Variants in NRXN3 observed in about 807,000 individuals in gnomAD.
NRXN3 encodes the protein neurexin III.
NRXN3 carries 32 observed loss-of-function variants against 137.6 expected under a neutral mutation model. That is an observed-to-expected ratio of 0.23 (90% CI 0.18 to 0.31). The LOEUF (loss-of-function observed/expected upper bound fraction) is 0.31. Among genes scored for constraint, NRXN3 ranks in the 10% least tolerant of loss-of-function variants. The pLI, the probability that NRXN3 is intolerant of heterozygous loss-of-function variation, is 1.00. For missense variants in NRXN3, 1,574 were observed against 2,062.5 expected, an observed-to-expected ratio of 0.76 and a Z score of 4.59; for synonymous variants, 798 against 784.5, an observed-to-expected ratio of 1.02 and a Z score of -0.29.
At chr14:79,801,880 C>T (rs1200386484) in intron 19 of NRXN3, among the ~76,000 whole-genome samples, 4 of 151,640 alleles carry the variant, frequency 2.6e-5, no homozygotes, top group Non-Finnish European at 5.9e-5. Flanking sequence ...GGATTAGGGG[C>T]CCATTCATGG....
At chr14:79,638,701 C>A (rs962795366) in intron 16 of NRXN3, among the ~76,000 whole-genome samples, 1 of 152,182 alleles carries the variant, frequency 6.6e-6, no homozygotes, top group African/African-American at 2.4e-5. Flanking sequence ...ATCAATGACT[C>A]TTAAAATCAC....
At chr14:79,799,058 A>G (rs759217425) in intron 19 of NRXN3, among the ~76,000 whole-genome samples, 10 of 152,204 alleles carry the variant, frequency 6.6e-5, no homozygotes, top group Non-Finnish European at 1.3e-4. Context: ...GGTAATTTCA[A>G]TAAACAATGT....
At chr14:79,626,319 C>T (rs2098281001) in intron 16 of NRXN3, among the ~76,000 whole-genome samples, 1 of 152,138 alleles carries the variant, frequency 6.6e-6, no homozygotes, top group African/African-American at 2.4e-5. Flanking sequence ...GGATCCTCCC[C>T]TCCAGATGCC....
intron 15 of NRXN3, among the ~76,000 whole-genome samples, chr14:79,388,817 G>A (rs2094738000): frequency 6.6e-6 from 1 of 152,168 alleles, no homozygotes; most frequent in Non-Finnish European, 1.5e-5. Flanking sequence ...CCCGAATGTT[G>A]TAGGAGGGAC....
At chr14:78,343,639 C>A (rs564947886) in intron 4 of NRXN3, among the ~76,000 whole-genome samples, 6 of 152,272 alleles carry the variant, frequency 3.9e-5, no homozygotes, top group African/African-American at 1.4e-4. Context: ...TGTGACAAAG[C>A]TAAGGCTTAA....
At chr14:78,572,370 GC>G (rs1246722489) in intron 4 of NRXN3, among the ~76,000 whole-genome samples, 1 of 152,130 alleles carries the variant, frequency 6.6e-6, no homozygotes, top group Non-Finnish European at 1.5e-5. Context: ...CCACTGGGTA[GC>G]CCATCCTTGA....
intron 15 of NRXN3, among the ~76,000 whole-genome samples, chr14:79,120,018 T>G (rs1233081118): frequency 6.6e-6 from 1 of 152,170 alleles, no homozygotes. Flanking sequence ...ATATTAACTT[T>G]TCTGAGCATC....
rs367606719 is a variant in NRXN3, at chr14:79,459,041, C to CCCATCCCTACCCAGATACACAGGTAA, written c.3263-8180_3263-8179insCCATCCCTACCCAGATACACAGGTAA. Among the ~76,000 whole-genome samples the CCCATCCCTACCCAGATACACAGGTAA allele has an allele frequency of 6.4e-3, 976 of 152,160 alleles. 7 individuals are homozygous for CCCATCCCTACCCAGATACACAGGTAA. The highest frequency in any genetic ancestry group is 0.022 in the African/African-American group (903 of 41,518). On this transcript the variant is annotated intron_variant, in intron 15 of 20. Coordinates refer to ENST00000335750, the MANE Select transcript of NRXN3 (RefSeq NM_001330195.2). The stretch of plus-strand genomic sequence containing the variant: ...CCATTGTCCTTCTTTCCATCATCAT[C>CCCATCCCTACCCAGATACACAGGTAA]AGGTAAATGGTGAGAATATTAGAGA...
At chr14:78,995,480 C>T (rs1001261498) in intron 15 of NRXN3, among the ~76,000 whole-genome samples, 1 of 152,074 alleles carries the variant, frequency 6.6e-6, no homozygotes, top group South Asian at 2.1e-4. Context: ...TCTATGTTAC[C>T]TTGGACATGA....
rs114677692 is a variant in NRXN3, at chr14:79,105,845, T to G, written c.3262+117704T>G. Among the ~76,000 whole-genome samples the G allele has an allele frequency of 3.6e-3, 552 of 152,234 alleles. 1 individual carries two copies. Among genetic ancestry groups the G allele is most frequent in the African/African-American group, 0.013 (533 of 41,538 alleles). On this transcript the variant is annotated intron_variant, in intron 15 of 20. Transcript: ENST00000335750. Reference sequence around the variant, plus strand: ...AAAGTAAGAGATTTAAAATAGGTTCTCAACTCCTGATAAAAACACGAATAT... The same window carrying G: ...AAAGTAAGAGATTTAAAATAGGTTCGCAACTCCTGATAAAAACACGAATAT...
At chr14:79,096,753 C>T (rs938552045) in intron 15 of NRXN3, among the ~76,000 whole-genome samples, 3 of 152,086 alleles carry the variant, frequency 2.0e-5, no homozygotes, top group Non-Finnish European at 4.4e-5. Flanking sequence ...TCCCCTCCCC[C>T]AACAGATCCC....
intron 4 of NRXN3, among the ~76,000 whole-genome samples, chr14:78,350,862 A>G (rs1302734723): frequency 2.0e-5 from 3 of 152,326 alleles, no homozygotes; most frequent in Admixed American, 6.5e-5. Flanking sequence ...TTCTGAAAAC[A>G]TTAAAATAGA....
chr14:79,324,667 G>A (rs536598720), intron 15 of NRXN3, among the ~76,000 whole-genome samples: 31 of 152,302 alleles, frequency 2.0e-4, no homozygotes, highest in African/African-American at 5.5e-4. Flanking sequence ...CATTGGATTT[G>A]GGATTGGGTG....
intron 16 of NRXN3, among the ~76,000 whole-genome samples, chr14:79,568,533 A>G (rs914219538): frequency 6.7e-6 from 1 of 148,494 alleles, no homozygotes; most frequent in Non-Finnish European, 1.5e-5. Flanking sequence ...AGATGTTCTC[A>G]CTATATCTAC....
intron 4 of NRXN3, among the ~76,000 whole-genome samples, chr14:78,341,858 A>G (rs527364949): frequency 3.9e-5 from 6 of 152,158 alleles, no homozygotes; most frequent in Admixed American, 2.6e-4. Flanking sequence ...TCCCAGAGTG[A>G]ATGTATTTAG....
chr14:78,711,223 C>G (rs1391611509), intron 7 of NRXN3, among the ~76,000 whole-genome samples: 1 of 152,032 alleles, frequency 6.6e-6, no homozygotes, highest in East Asian at 1.9e-4. Flanking sequence ...GTTACCTTAC[C>G]CGTGTCTCAG....
intron 10 of NRXN3, among the ~76,000 whole-genome samples, chr14:78,925,496 C>T (rs1037089330): frequency 6.6e-6 from 1 of 152,140 alleles, no homozygotes; most frequent in African/African-American, 2.4e-5. Context: ...TGAAAACATA[C>T]TAGTTAAATG....
chr14:79,392,601 C>A lies in NRXN3; in HGVS notation c.3263-74620C>A, dbSNP rs376815379. On this transcript the variant is annotated intron_variant, in intron 15 of 20. Coordinates refer to ENST00000335750, the MANE Select transcript of NRXN3 (RefSeq NM_001330195.2). ...CAAACATATGAAAAAAGCTCATCAT[C>A]ATTGGTCGTTAGAGAAATGCAAATC... Among the ~76,000 whole-genome samples, 384 of 152,256 alleles carry A rather than the reference C, an allele frequency of 2.5e-3. 4 individuals are homozygous for A. Among genetic ancestry groups the A allele is most frequent in the African/African-American group, 8.6e-3 (359 of 41,556 alleles).
chr14:79,644,049 G>A (rs1316258504), intron 16 of NRXN3, among the ~76,000 whole-genome samples: 4 of 135,182 alleles, frequency 3.0e-5, no homozygotes, highest in Non-Finnish European at 6.9e-5. Flanking sequence ...TTGATTGATG[G>A]TGCAATTCTG....
Sources: allele counts gnomAD v4.1 joint callset (sites outside exome capture counted in the v4.1 genomes callset), GRCh38; gene constraint gnomAD v4.1.1; transcripts MANE v1.5; gene names NCBI Gene and HGNC (gene_info 2026-07-23, HGNC 2026-07-21).